Variants in KDM4C observed in about 807,000 individuals in gnomAD.
KDM4C encodes lysine demethylase 4C.
In KDM4C, 81 loss-of-function variants were observed where a neutral mutation model predicts 129.3. That is an observed-to-expected ratio of 0.63 (90% CI 0.52 to 0.75). KDM4C has a LOEUF of 0.75. KDM4C is among the 30% of genes least tolerant of loss of function. The pLI, the probability that KDM4C is intolerant of heterozygous loss-of-function variation, is 0.00. For missense variants in KDM4C, 1,457 were observed against 1,304.0 expected (o/e 1.12, Z -1.81); for synonymous variants, 573 against 456.1 (o/e 1.26, Z -3.26).
chr9:7,019,721 A>AATATTTTTATATATAAAAAT (rs1824364339), intron 15 of KDM4C, among the ~76,000 whole-genome samples: 6 of 98,700 alleles, frequency 6.1e-5, no homozygotes, highest in African/African-American at 1.6e-4. Context: ...ATAAAAATAT[A>AATATTTTTATATATAAAAAT]ATATTTTTAT....
chr9:6,751,144 C>T (rs531847141), intron 1 of KDM4C, among the ~76,000 whole-genome samples: 1 of 152,170 alleles, frequency 6.6e-6, no homozygotes, highest in Admixed American at 6.6e-5. Context: ...TTGATCAAAG[C>T]AAGTCAAAAG....
chr9:6,956,721 G>C (rs1013160650), intron 8 of KDM4C, among the ~76,000 whole-genome samples: 1 of 152,198 alleles, frequency 6.6e-6, no homozygotes, highest in Admixed American at 6.5e-5. Flanking sequence ...TTCTTTATGA[G>C]GTCTGACCAG....
At chr9:6,910,032 C>T (rs1013258272) in intron 8 of KDM4C, among the ~76,000 whole-genome samples, 1 of 151,882 alleles carries the variant, frequency 6.6e-6, no homozygotes, top group African/African-American at 2.4e-5. Context: ...ATAGCAAGTT[C>T]GTGAGAAGGA....
intron 12 of KDM4C, among the ~76,000 whole-genome samples, chr9:6,994,349 G>C (rs1208146146): frequency 6.6e-6 from 1 of 152,054 alleles, no homozygotes; most frequent in Non-Finnish European, 1.5e-5. Flanking sequence ...ATTTGCCCAG[G>C]CTGTTACATT....
chr9:6,805,607 T>G lies in KDM4C; in HGVS notation c.153T>G (p.Pro51=). Residue 51 remains proline, a synonymous_variant, in exon 3 of 22, where the codon CCT becomes CCG. Transcript: ENST00000381309. ...AHRAGLAKVI[P]PKEWKPRQCY... is the part of the protein sequence containing the mutation. ...CATTATTTTATTTTTAGGTGATTCC[T>G]CCTAAGGAGTGGAAGCCAAGACAGT... 1 of 1,606,914 alleles carries G rather than the reference T, an allele frequency of 6.2e-7. No homozygotes were observed. The highest frequency in any genetic ancestry group is 8.5e-7 in the Non-Finnish European group (1 of 1,177,432).
intron 21 of KDM4C, among the ~76,000 whole-genome samples, chr9:7,173,267 T>C (rs1344634892): frequency 6.6e-6 from 1 of 152,156 alleles, no homozygotes; most frequent in African/African-American, 2.4e-5. Flanking sequence ...AGAATAACTT[T>C]CACAGAAATG....
intron 4 of KDM4C, chr9:6,815,190 A>G (rs1363663035): frequency 6.6e-6 from 1 of 151,586 alleles, no homozygotes; most frequent in Non-Finnish European, 1.5e-5. Context: ...AAATTGTAAT[A>G]TATATATATA....
chr9:6,964,021 C>T (rs1401929771), intron 8 of KDM4C, among the ~76,000 whole-genome samples: 1 of 149,270 alleles, frequency 6.7e-6, no homozygotes, highest in African/African-American at 2.4e-5. Flanking sequence ...AAGAACATAA[C>T]TCTGATGTTA....
chr9:6,854,354 C>T (rs560632218), intron 5 of KDM4C, among the ~76,000 whole-genome samples: 5 of 151,906 alleles, frequency 3.3e-5, no homozygotes, highest in East Asian at 1.9e-4. Context: ...GAAGAAACCC[C>T]GTCTCTACTA....
intron 20 of KDM4C, among the ~76,000 whole-genome samples, chr9:7,167,890 C>T (rs1361191663): frequency 6.6e-6 from 1 of 152,168 alleles, no homozygotes; most frequent in Non-Finnish European, 1.5e-5. Context: ...GTGAATTAAA[C>T]AATAAGTGTA....
At chr9:7,047,310 A>G (rs28416711) in intron 16 of KDM4C, among the ~76,000 whole-genome samples, 4,346 of 152,200 alleles carry the variant, frequency 0.029, 225 homozygotes, top group African/African-American at 0.099. Context: ...AATCAGTCAT[A>G]GCAATGATAA....
intron 8 of KDM4C, among the ~76,000 whole-genome samples, chr9:6,916,923 C>T (rs183866234): frequency 6.6e-6 from 1 of 152,224 alleles, no homozygotes; most frequent in East Asian, 1.9e-4. Context: ...GTAGAAACAT[C>T]CCAGTTTCAT....
At chr9:6,840,366 C>T (rs746459697) in intron 4 of KDM4C, among the ~76,000 whole-genome samples, 1 of 151,524 alleles carries the variant, frequency 6.6e-6, no homozygotes, top group East Asian at 2.0e-4. Context: ...AGCCACTGAA[C>T]CTGGCCTTTG....
chr9:7,028,100 C>A (rs1826096750), intron 15 of KDM4C, among the ~76,000 whole-genome samples: 1 of 152,140 alleles, frequency 6.6e-6, no homozygotes. Context: ...AAGCTGGTAC[C>A]TAAGGTGCAA....
intron 1 of KDM4C, among the ~76,000 whole-genome samples, chr9:6,746,522 G>C (rs1232972445): frequency 1.3e-5 from 2 of 149,864 alleles, no homozygotes; most frequent in East Asian, 4.0e-4. Flanking sequence ...GCCCGCCTCA[G>C]CTTCCCAAAG....
chr9:7,021,610 G>GT (rs1193247589), intron 15 of KDM4C, among the ~76,000 whole-genome samples: 1 of 152,088 alleles, frequency 6.6e-6, no homozygotes, highest in Admixed American at 6.5e-5. Flanking sequence ...CTTTCTGTGG[G>GT]TTGTCTCTTC....
intron 8 of KDM4C, among the ~76,000 whole-genome samples, chr9:6,939,512 C>G (rs1343796261): frequency 6.6e-6 from 1 of 152,154 alleles, no homozygotes; most frequent in Non-Finnish European, 1.5e-5. Context: ...CCACCCCACA[C>G]CAGATTTGTC....
At chr9:7,120,570 C>A (rs1191181083) in intron 18 of KDM4C, among the ~76,000 whole-genome samples, 1 of 152,050 alleles carries the variant, frequency 6.6e-6, no homozygotes, top group Admixed American at 6.6e-5. Context: ...TTAATACAGC[C>A]CCAAACCTGA....
intron 1 of KDM4C, among the ~76,000 whole-genome samples, chr9:6,738,493 GC>G (rs936041962): frequency 6.6e-6 from 1 of 152,088 alleles, no homozygotes; most frequent in African/African-American, 2.4e-5. Flanking sequence ...GAGGGCAATG[GC>G]AAGATCAGAG....
Sources: gnomAD v4.1 joint callset for allele counts (sites outside exome capture counted in the v4.1 genomes callset) on GRCh38, gnomAD v4.1.1 for gene constraint, MANE v1.5 for transcripts, NCBI Gene and HGNC (gene_info 2026-07-23, HGNC 2026-07-21) for gene names.